Variants in RAB33A observed in about 807,000 individuals in gnomAD.
RAB33A encodes RAB33A, member RAS oncogene family.
In RAB33A, 6 loss-of-function variants were observed where a neutral mutation model predicts 12.0. The ratio of observed to expected loss-of-function variants is 0.50; its 90% CI spans 0.27 to 0.99. RAB33A has a LOEUF of 0.99. Ranked by LOEUF, RAB33A falls within the 50% of genes least tolerant of loss-of-function variation. RAB33A has a pLI of 0.11. For missense variants in RAB33A, 109 were observed against 192.0 expected, an observed-to-expected ratio of 0.57 and a Z score of 2.55; for synonymous variants, 70 against 82.4, an observed-to-expected ratio of 0.85 and a Z score of 0.81.
chrX:130,119,676 G>A, the RAB33A span, among the ~76,000 whole-genome samples: 2 of 112,208 alleles, frequency 1.8e-5, no homozygotes, highest in East Asian at 5.6e-4. Flanking sequence ...AGGTCTGGGC[G>A]GGAGACAGGC....
At chrX:130,116,713 G>T in the RAB33A span, among the ~76,000 whole-genome samples, 1 of 112,618 alleles carries the variant, frequency 8.9e-6, no homozygotes, top group Non-Finnish European at 1.9e-5. Context: ...ACAGATGACG[G>T]TCTGTGGCCT....
the RAB33A span, chrX:130,131,606 C>T: frequency 8.4e-7 from 1 of 1,189,469 alleles, no homozygotes; most frequent in Non-Finnish European, 1.1e-6. Context: ...ATACAGAAAC[C>T]CCTTGTTCAG....
chrX:130,154,098 T>C, the RAB33A span, among the ~76,000 whole-genome samples: 1 of 112,530 alleles, frequency 8.9e-6, no homozygotes, highest in Non-Finnish European at 1.9e-5. Context: ...CAGTTGTAGG[T>C]AGACAAAAGC....
At chrX:130,156,726 C>G in the RAB33A span, 6 of 754,227 alleles carry the variant, frequency 8.0e-6, no homozygotes, top group Non-Finnish European at 1.2e-5. Context: ...GTTAAATGAT[C>G]AAGAAAAATA....
chrX:130,140,352 C>G, the RAB33A span, among the ~76,000 whole-genome samples: 2 of 112,255 alleles, frequency 1.8e-5, no homozygotes, highest in African/African-American at 6.5e-5. Flanking sequence ...AAGGATCATC[C>G]AGAAGGGCTG....
At chrX:130,119,577 G>A in the RAB33A span, among the ~76,000 whole-genome samples, 1 of 111,022 alleles carries the variant, frequency 9.0e-6, no homozygotes, top group Non-Finnish European at 1.9e-5. Context: ...TGCTCTGGGA[G>A]GAGACACCTT....
the RAB33A span, among the ~76,000 whole-genome samples, chrX:130,161,639 G>A: frequency 1.1e-5 from 1 of 93,036 alleles, no homozygotes; most frequent in African/African-American, 4.1e-5. Context: ...ACAGATTCTC[G>A]CTCTGTCGTC....
intron 1 of RAB33A, among the ~76,000 whole-genome samples, chrX:130,177,985 G>T: frequency 8.9e-6 from 1 of 111,897 alleles, no homozygotes; most frequent in Non-Finnish European, 1.9e-5. Flanking sequence ...GGGGCCAGGG[G>T]TTTATGAAGA....
the RAB33A span, among the ~76,000 whole-genome samples, chrX:130,115,709 A>AAAAGAAAG: frequency 1.1e-4 from 11 of 102,855 alleles, no homozygotes; most frequent in Non-Finnish European, 1.2e-4. Context: ...GGAGAAAGAA[A>AAAAGAAAG]AAAGAAAGAA....
the RAB33A span, among the ~76,000 whole-genome samples, chrX:130,138,331 T>A: frequency 9.1e-6 from 1 of 109,710 alleles, no homozygotes; most frequent in Non-Finnish European, 1.9e-5. Flanking sequence ...CAGGCGTGGT[T>A]ACAGGCGCCT....
chrX:130,113,020 C>T, the RAB33A span, among the ~76,000 whole-genome samples: 4 of 105,938 alleles, frequency 3.8e-5, no homozygotes, highest in Non-Finnish European at 7.7e-5. Context: ...GGGTATCTGT[C>T]ACCTCAAGCA....
At chrX:130,153,140 C>A in the RAB33A span, among the ~76,000 whole-genome samples, 1 of 95,426 alleles carries the variant, frequency 1.0e-5, no homozygotes, top group Non-Finnish European at 2.0e-5. Flanking sequence ...GGAGACCATT[C>A]TGGCTAACAC....
chrX:130,153,986 CTT>C, the RAB33A span, among the ~76,000 whole-genome samples: 1 of 112,413 alleles, frequency 8.9e-6, no homozygotes, highest in Non-Finnish European at 1.9e-5. Flanking sequence ...TCATAGTTCT[CTT>C]GAGACTAATA....
chrX:130,162,105 C>A, the RAB33A span, among the ~76,000 whole-genome samples: 1 of 111,988 alleles, frequency 8.9e-6, no homozygotes, highest in South Asian at 3.7e-4. Flanking sequence ...CGAGAATTTA[C>A]CATGTGCCAG....
the RAB33A span, among the ~76,000 whole-genome samples, chrX:130,115,924 A>G: frequency 2.7e-5 from 3 of 110,768 alleles, no homozygotes; most frequent in South Asian, 7.6e-4. Flanking sequence ...TTGGGTTTAC[A>G]TGACAAGGCC....
the RAB33A span, among the ~76,000 whole-genome samples, chrX:130,147,250 G>C: frequency 8.9e-6 from 1 of 112,271 alleles, no homozygotes; most frequent in Non-Finnish European, 1.9e-5. Flanking sequence ...CCAGAAATAG[G>C]AGCATTAGTA....
the RAB33A span, among the ~76,000 whole-genome samples, chrX:130,150,523 G>T: frequency 4.9e-5 from 5 of 102,565 alleles, no homozygotes; most frequent in African/African-American, 1.8e-4. Context: ...TTTTAGTAGA[G>T]ACGGGGTTTC....
chrX:130,138,334 A>G, the RAB33A span, among the ~76,000 whole-genome samples: 4 of 110,054 alleles, frequency 3.6e-5, no homozygotes, highest in African/African-American at 6.6e-5. Flanking sequence ...GCGTGGTTAC[A>G]GGCGCCTGTA....
At position 130,184,841 on chromosome X, in the gene RAB33A, T is replaced by C. The variant is rs2031770532; in HGVS notation, c.*101T>C. On this transcript the variant is annotated 3_prime_UTR_variant, in exon 2 of 2. Transcript: ENST00000257017. Reference sequence around the variant, plus strand: ...TGACACCTGCTTGTTTCCATACAAATTGATATCAAAATAAAATTTGTATAG... The same window carrying C: ...TGACACCTGCTTGTTTCCATACAAACTGATATCAAAATAAAATTTGTATAG... 2 of 758,680 alleles carry C rather than the reference T, an allele frequency of 2.6e-6. No homozygotes were observed. Among genetic ancestry groups the C allele is most frequent in the Middle Eastern group, 4.5e-4 (1 of 2,239 alleles). The allele number at this position is 758,680 out of a possible 1,213,427, so 62.5% of individuals were successfully genotyped here.
Sources: allele counts gnomAD v4.1 joint callset (sites outside exome capture counted in the v4.1 genomes callset), GRCh38; gene constraint gnomAD v4.1.1; transcripts MANE v1.5; gene names NCBI Gene and HGNC (gene_info 2026-07-23, HGNC 2026-07-21).